Variants in GRIK3 observed in about 807,000 individuals in gnomAD.
GRIK3 encodes the protein glutamate ionotropic receptor kainate type subunit 3.
A neutral mutation model predicts 102.5 loss-of-function variants in GRIK3; 29 were observed. That is an observed-to-expected ratio of 0.28 (90% CI 0.21 to 0.39). GRIK3 has a LOEUF of 0.39. Ranked by LOEUF, GRIK3 falls within the 10% of genes least tolerant of loss-of-function variation. The pLI, the probability that GRIK3 is intolerant of heterozygous loss-of-function variation, is 1.00. For missense variants in GRIK3, 908 were observed against 1,252.4 expected (o/e 0.73, Z 4.15); for synonymous variants, 511 against 504.9 (o/e 1.01, Z -0.16).
At position 36,880,295 on chromosome 1, in the gene GRIK3, C is replaced by T. The variant is rs184854466; in HGVS notation, c.550+339G>A. On this transcript the variant is annotated intron_variant, in intron 3 of 15. Coordinates refer to ENST00000373091, the MANE Select transcript of GRIK3 (RefSeq NM_000831.4). The surrounding 1 kb of genome is among the most constrained non-coding windows in gnomAD (Gnocchi z 5.4). ...TTTGCAGCAGATGGAAATGTGTGAG[C>T]GTAAGGGCATGGGCAGGTGTCGGTG... is the stretch of plus-strand genomic sequence containing the variant. 5.3e-5 allele frequency among the ~76,000 whole-genome samples: 8 copies of T among 152,026 alleles called. No individual in the cohort carries two copies. The highest frequency in any genetic ancestry group is 2.1e-4 in the South Asian group (1 of 4,790).
At chr1:36,824,127 C>T (rs1214220639) in intron 11 of GRIK3, among the ~76,000 whole-genome samples, 1 of 152,122 alleles carries the variant, frequency 6.6e-6, no homozygotes, top group Middle Eastern at 3.2e-3. Context: ...GTCTCCCAGC[C>T]TAACCTTGGG....
At chr1:37,018,526 C>T (rs950403163) in intron 1 of GRIK3, among the ~76,000 whole-genome samples, 9 of 152,198 alleles carry the variant, frequency 5.9e-5, no homozygotes, top group African/African-American at 2.2e-4. Context: ...TCTCTATAAA[C>T]TGCACAATGG....
At chr1:36,836,157 C>T (rs561716883) in intron 10 of GRIK3, among the ~76,000 whole-genome samples, 1 of 152,380 alleles carries the variant, frequency 6.6e-6, no homozygotes, top group Admixed American at 6.5e-5. Context: ...AGAGCATTTC[C>T]TGGCCACACA....
chr1:37,030,541 C>A (rs934013565), intron 1 of GRIK3, among the ~76,000 whole-genome samples: 1 of 110,818 alleles, frequency 9.0e-6, no homozygotes, highest in African/African-American at 4.7e-5. Flanking sequence ...CCCCACCCCC[C>A]ACCCCCTCCC....
chr1:36,932,860 C>T (rs1443363195), intron 1 of GRIK3, among the ~76,000 whole-genome samples: 1 of 152,118 alleles, frequency 6.6e-6, no homozygotes, highest in Non-Finnish European at 1.5e-5. Context: ...GTAGTATCTC[C>T]AGCCCAGGGC....
chr1:36,891,246 A>G (rs1641111967), intron 1 of GRIK3, 150 bp from the exon 2 acceptor site: 4 of 558,410 alleles, frequency 7.2e-6, no homozygotes, highest in Non-Finnish European at 1.3e-5. Flanking sequence ...GAAAGTGTGC[A>G]GGAGCACAAG....
At chr1:36,881,649 A>T (rs1264015882) in intron 2 of GRIK3, among the ~76,000 whole-genome samples, 1 of 152,132 alleles carries the variant, frequency 6.6e-6, no homozygotes, top group African/African-American at 2.4e-5. Context: ...GGATTATTGC[A>T]GAAGCTTCCT....
At chr1:36,957,866 C>T (rs1354734499) in intron 1 of GRIK3, among the ~76,000 whole-genome samples, 3 of 120,220 alleles carry the variant, frequency 2.5e-5, no homozygotes, top group African/African-American at 3.7e-5. Flanking sequence ...AGTCTGTGTG[C>T]CCCGTGACTC....
rs962777894 is a variant in GRIK3, at chr1:36,801,735, AG to A, written c.*115del. On this transcript the variant is annotated 3_prime_UTR_variant, in exon 16 of 16. Coordinates refer to ENST00000373091, the MANE Select transcript of GRIK3 (RefSeq NM_000831.4). ...AAGGGCAGGAGGCTCCTGGCCCAAC[AG>A]GCAGGTGGCAGCTCTGGTCCCCAAG... The A allele has an allele frequency of 2.4e-6, 2 of 843,068 alleles. No individual in the cohort carries two copies. Among genetic ancestry groups the A allele is most frequent in the Non-Finnish European group, 3.5e-6 (2 of 575,756 alleles). 52.2% of individuals were successfully genotyped at this position (843,068 alleles called of 1,614,324 possible).
At chr1:36,878,603 ACT>A (rs1210996902) in intron 3 of GRIK3, among the ~76,000 whole-genome samples, 1 of 152,092 alleles carries the variant, frequency 6.6e-6, no homozygotes, top group Non-Finnish European at 1.5e-5. Flanking sequence ...TGCCAAGGTC[ACT>A]CTCTCTTAAG....
chr1:36,859,770 C>T (rs1215029474), intron 6 of GRIK3, 74 bp downstream of exon 6: 2 of 1,192,120 alleles, frequency 1.7e-6, no homozygotes, highest in Non-Finnish European at 2.5e-6. Flanking sequence ...AAGAAAGAAA[C>T]AAGAGGAAGG....
chr1:36,857,827 T>C (rs1640670514), intron 7 of GRIK3, among the ~76,000 whole-genome samples: 1 of 152,176 alleles, frequency 6.6e-6, no homozygotes, highest in Non-Finnish European at 1.5e-5. Context: ...TAGAGCTGCC[T>C]TTATTTACAT....
intron 5 of GRIK3, among the ~76,000 whole-genome samples, chr1:36,866,885 A>C (rs983153648): frequency 1.3e-5 from 2 of 152,212 alleles, no homozygotes; most frequent in African/African-American, 4.8e-5. Context: ...CTGTCCATCC[A>C]TCCAGACATT....
chr1:36,884,947 A>T (rs1641021472), intron 2 of GRIK3, among the ~76,000 whole-genome samples: 1 of 152,230 alleles, frequency 6.6e-6, no homozygotes, highest in African/African-American at 2.4e-5. Context: ...AGAGTGGACC[A>T]ACACAAAGTC....
Position 36,850,450 on chromosome 1 carries a change from G to C in GRIK3, c.1213-26C>G. The C allele has an allele frequency of 7.1e-7, 1 of 1,407,812 alleles. No homozygotes were observed. The highest frequency in any genetic ancestry group is 1.1e-5 in the South Asian group (1 of 87,046). 87.2% of individuals were successfully genotyped at this position (1,407,812 alleles called of 1,614,324 possible). ...CTGGATGGACACAGACAGAAAACAG[G>C]GTGCCGAGTCCTTGGTCTACCCATC... is the stretch of plus-strand genomic sequence containing the variant. On this transcript the variant is annotated intron_variant, in intron 8 of 15. Transcript: ENST00000373091. The surrounding 1 kb of genome is among the most constrained non-coding windows in gnomAD (Gnocchi z 4.0).
intron 5 of GRIK3, among the ~76,000 whole-genome samples, chr1:36,861,625 G>A (rs550081073): frequency 1.2e-3 from 182 of 152,304 alleles, no homozygotes; most frequent in African/African-American, 4.1e-3. Flanking sequence ...GGCTTCCTCT[G>A]GTCTCTGAGA....
chr1:36,897,019 T>C (rs900734188), intron 1 of GRIK3, among the ~76,000 whole-genome samples: 3 of 152,196 alleles, frequency 2.0e-5, no homozygotes, highest in African/African-American at 7.2e-5. Flanking sequence ...AAGCCATTTA[T>C]GAATAGCCCA....
chr1:36,834,346 G>C lies in GRIK3; in HGVS notation c.1530+7390C>G, dbSNP rs149113793. On this transcript the variant is annotated intron_variant, in intron 10 of 15. Coordinates refer to ENST00000373091, the MANE Select transcript of GRIK3 (RefSeq NM_000831.4). ...GCAGGGAAAGGGGAGCAGGGGTCGG[G>C]GGATAACAAGTCAGAGAGAATATCT... Among the ~76,000 whole-genome samples the C allele has an allele frequency of 6.1e-3, 929 of 152,256 alleles. 10 individuals are homozygous for C. Among genetic ancestry groups the C allele is most frequent in the African/African-American group, 0.021 (867 of 41,536 alleles).
rs540466467 is a variant in GRIK3 at position 36,981,386 on chromosome 1, G to C, written c.115+52608C>G. On this transcript the variant is annotated intron_variant, in intron 1 of 15. Transcript: ENST00000373091. ...TAGTTGCCTGCCTGGTGACCAGAGA[G>C]AGGGGGCAGTGAGCCAGCCAGCCAA... Among the ~76,000 whole-genome samples, 16 of 152,356 alleles carry C rather than the reference G, an allele frequency of 1.1e-4. No homozygotes were observed. The East Asian group carries it at 3.1e-3, about 29-fold the overall frequency.
Sources: allele counts gnomAD v4.1 joint callset (sites outside exome capture counted in the v4.1 genomes callset), GRCh38; gene constraint gnomAD v4.1.1; non-coding constraint Gnocchi (gnomAD v3.1); transcripts MANE v1.5; gene names NCBI Gene and HGNC (gene_info 2026-07-23, HGNC 2026-07-21).